The following ARHGAP23 variants were observed in gnomAD, a reference collection of about 807,000 sequenced individuals.
ARHGAP23 encodes the protein rho GTPase-activating protein 23.
In ARHGAP23, 34 loss-of-function variants were observed where a neutral mutation model predicts 136.3. That is an observed-to-expected ratio of 0.25 (90% CI 0.19 to 0.33). The LOEUF is 0.33. ARHGAP23 is among the 10% of genes least tolerant of loss of function. ARHGAP23 has a pLI of 1.00. For synonymous variants in ARHGAP23, 832 were observed against 920.5 expected (o/e 0.90, Z 1.74); for missense variants, 1,808 against 2,139.0 (o/e 0.85, Z 3.05).
rs1443069204 is a variant in ARHGAP23 at position 38,510,788 on chromosome 17, C to G, written c.4292C>G (p.Pro1431Arg). 2.5e-5 allele frequency: 38 copies of G among 1,502,278 alleles called. No homozygotes were observed. Among genetic ancestry groups the G allele is most frequent in the African/African-American group, 4.4e-5 (3 of 68,508 alleles). The allele number at this position is 1,502,278 out of a possible 1,614,324, so 93.1% of individuals were successfully genotyped here. ...EWKELGGGGP[P>R]EPAGARAHSD... is the part of the protein sequence containing the mutation. Reference sequence around the variant, plus strand: ...AAGGAGCTGGGCGGAGGGGGCCCCCCGGAGCCTGCGGGCGCGCGGGCGCAC... The same window carrying G: ...AAGGAGCTGGGCGGAGGGGGCCCCCGGGAGCCTGCGGGCGCGCGGGCGCAC... The change falls in exon 24 of 24, where the codon CCG becomes CGG. Residue 1431 changes from proline to arginine, a missense_variant. By Grantham distance (103) the Pro-to-Arg change is moderately radical (BLOSUM62 -2). This residue lies in a region of ARHGAP23 where 506 missense variants were observed against 455.8 expected (regional missense o/e 1.11). Coordinates refer to ENST00000622683, the MANE Select transcript of ARHGAP23 (RefSeq NM_001199417.2). This position sits in a 1 kb window ranked among gnomAD's most constrained non-coding sequence, Gnocchi z 4.6.
chr17:38,508,242 A>G (rs2040677409), intron 23 of ARHGAP23, among the ~76,000 whole-genome samples: 2 of 152,210 alleles, frequency 1.3e-5, no homozygotes, highest in Non-Finnish European at 2.9e-5. Context: ...GTGGCTGTAC[A>G]GAGGAAGCCA....
chr17:38,449,606 G>T (rs144057360), intron 1 of ARHGAP23, among the ~76,000 whole-genome samples: 339 of 152,332 alleles, frequency 2.2e-3, no homozygotes, highest in Non-Finnish European at 3.5e-3. Context: ...CGTGGGCGGG[G>T]CGGGCATGTG....
intron 23 of ARHGAP23, among the ~76,000 whole-genome samples, chr17:38,504,191 G>A (rs542926039): frequency 1.3e-5 from 2 of 152,350 alleles, no homozygotes; most frequent in East Asian, 3.9e-4. Context: ...GACTGGCTCT[G>A]TCCTGAGCCT....
At chr17:38,463,269 A>C in intron 5 of ARHGAP23, 59 bp from the exon 6 acceptor site, 1 of 1,550,928 alleles carries the variant, frequency 6.4e-7, no homozygotes, top group Non-Finnish European at 8.7e-7. Flanking sequence ...GGAGACCAGG[A>C]TCCCTTCCTC....
intron 2 of ARHGAP23, among the ~76,000 whole-genome samples, chr17:38,460,350 G>A (rs536664684): frequency 2.6e-5 from 4 of 152,188 alleles, no homozygotes; most frequent in Non-Finnish European, 5.9e-5. Context: ...ACTTGCTGTT[G>A]TTGACTTTCT....
At chr17:38,459,682 A>C (rs1392100741) in intron 2 of ARHGAP23, among the ~76,000 whole-genome samples, 1 of 152,216 alleles carries the variant, frequency 6.6e-6, no homozygotes, top group Non-Finnish European at 1.5e-5. Context: ...TCTCCTTTCC[A>C]GAACCTGCCC....
At chr17:38,491,338 C>T (rs2040274626) in intron 19 of ARHGAP23, 69 bp from the exon 20 acceptor site, 1 of 1,545,116 alleles carries the variant, frequency 6.5e-7, no homozygotes, top group Non-Finnish European at 8.7e-7. Flanking sequence ...GGACAGAGGC[C>T]TCAGGTGCCA....
chr17:38,477,355 GCT>G lies in ARHGAP23; in HGVS notation c.2119-223_2119-222del, dbSNP rs1010210045. On this transcript the variant is annotated intron_variant, in intron 11 of 23. Transcript: ENST00000622683. This position sits in a 1 kb window ranked among gnomAD's most constrained non-coding sequence, Gnocchi z 6.6. ...GGAGAGGGTTGGGGTCTGCTGGGGG[GCT>G]TTAGGATGATGGGTAGGGGTGTCTA... 2.6e-5 allele frequency among the ~76,000 whole-genome samples: 4 copies of G among 151,946 alleles called. No homozygotes were observed. The highest frequency in any genetic ancestry group is 9.7e-5 in the African/African-American group (4 of 41,422).
In ARHGAP23 at chr17:38,439,356, T is replaced by C. The variant is rs143625640; in HGVS notation, c.63+10808T>C. ...AAAGCCTCCCTCCACCACTCAAATA[T>C]ATGGCGACTTCCTCCTCTGTGCGCT... On this transcript the variant is annotated intron_variant, in intron 1 of 23. Transcript: ENST00000622683. Among the ~76,000 whole-genome samples, 158 of 152,248 alleles carry C rather than the reference T, an allele frequency of 1.0e-3. 1 individual carries two copies. Among genetic ancestry groups the C allele is most frequent in the Non-Finnish European group, 1.9e-3 (126 of 68,016 alleles).
chr17:38,467,860 C>G (rs1457419431), intron 7 of ARHGAP23, among the ~76,000 whole-genome samples: 1 of 152,080 alleles, frequency 6.6e-6, no homozygotes, highest in African/African-American at 2.4e-5. Flanking sequence ...GTATCTTTCC[C>G]TCTTTGTCCT....
At chr17:38,428,390 C>G (rs1453444891), upstream of ARHGAP23, 5 of 453,804 alleles carry the variant, frequency 1.1e-5, no homozygotes, top group African/African-American at 2.1e-5. Flanking sequence ...GGGGCCCCCC[C>G]ACACCGCGCT....
At chr17:38,431,600 G>A (rs2038687406) in intron 1 of ARHGAP23, among the ~76,000 whole-genome samples, 1 of 152,200 alleles carries the variant, frequency 6.6e-6, no homozygotes, top group African/African-American at 2.4e-5. Flanking sequence ...TGCCAGGTGG[G>A]TGTCTCCTCC....
intron 6 of ARHGAP23, among the ~76,000 whole-genome samples, chr17:38,465,469 C>G (rs1213421660): frequency 6.6e-6 from 1 of 152,232 alleles, no homozygotes; most frequent in Non-Finnish European, 1.5e-5. Context: ...GGGCCCAGGC[C>G]ACAAGGCCGC....
intron 1 of ARHGAP23, among the ~76,000 whole-genome samples, chr17:38,441,084 C>G (rs534923417): frequency 6.6e-6 from 1 of 152,362 alleles, no homozygotes; most frequent in Non-Finnish European, 1.5e-5. Context: ...TGGGCACTGC[C>G]TTTTGCTGAG....
rs2040278189 is a variant in ARHGAP23 at position 38,491,523 on chromosome 17, G to A, written c.3267G>A (p.Leu1089=). 1 of 1,549,442 alleles carries A rather than the reference G, an allele frequency of 6.5e-7. No homozygotes were observed. Among genetic ancestry groups the A allele is most frequent in the Non-Finnish European group, 8.7e-7 (1 of 1,146,822 alleles). The change falls in exon 20 of 24, where the codon CTG becomes CTA. Residue 1089 remains leucine, a synonymous_variant. Transcript: ENST00000622683. ...ACCGCTACAAGATCGTGGAGACACT[G>A]ATCCAGCACGTAAGCCCCTGTTCCG... ...MPDRYKIVET[L]IQHSDWFFSD... is the part of the protein sequence containing the mutation.
At chr17:38,497,738 CTTCT>C in intron 20 of ARHGAP23, 43 bp from the exon 21 acceptor site, 1 of 1,537,900 alleles carries the variant, frequency 6.5e-7, no homozygotes, top group Non-Finnish European at 8.8e-7. Flanking sequence ...GGAAGAGACT[CTTCT>C]TTCCCATGCT....
At chr17:38,446,136 T>C (rs2039028417) in intron 1 of ARHGAP23, among the ~76,000 whole-genome samples, 1 of 149,090 alleles carries the variant, frequency 6.7e-6, no homozygotes, top group African/African-American at 2.5e-5. Context: ...CACCTTAGCC[T>C]CCCAAGCAGC....
intron 1 of ARHGAP23, among the ~76,000 whole-genome samples, chr17:38,454,517 C>T (rs1462881503): frequency 6.6e-6 from 1 of 152,124 alleles, no homozygotes; most frequent in African/African-American, 2.4e-5. Flanking sequence ...GGCAGAGGCA[C>T]CACTGAATGG....
At chr17:38,426,663 G>C (rs995573572), upstream of ARHGAP23, among the ~76,000 whole-genome samples, 4 of 152,034 alleles carry the variant, frequency 2.6e-5, no homozygotes, top group African/African-American at 9.7e-5. Context: ...TTGATAAAAA[G>C]GGATGAGGAA....
Sources: gnomAD v4.1 joint callset for allele counts (sites outside exome capture counted in the v4.1 genomes callset) on GRCh38, gnomAD v4.1.1 for gene constraint, gnomAD v4.1.1 regional missense constraint, Gnocchi (gnomAD v3.1) non-coding constraint, MANE v1.5 for transcripts, NCBI Gene and HGNC (gene_info 2026-07-23, HGNC 2026-07-21) for gene names.